The following WDR49 variants were observed in gnomAD, a reference collection of about 807,000 sequenced individuals.
The protein encoded by WDR49 is WD repeat domain 49, also known as cilia- and flagella-associated protein 337.
Under a neutral mutation model 119.5 loss-of-function variants are expected in WDR49, and 107 were observed. The ratio of observed to expected loss-of-function variants is 0.90; its 90% CI spans 0.77 to 1.05. WDR49 has a LOEUF of 1.05. Among genes scored for constraint, WDR49 ranks in the 50% least tolerant of loss-of-function variants. WDR49 has a pLI of 0.00. For synonymous variants in WDR49, 425 were observed against 418.8 expected (o/e 1.01, Z -0.18); for missense variants, 1,240 against 1,220.5 (o/e 1.02, Z -0.24).
At chr3:167,553,368 T>G (rs769419758) in intron 10 of WDR49, among the ~76,000 whole-genome samples, 19 of 152,010 alleles carry the variant, frequency 1.2e-4, no homozygotes, top group Non-Finnish European at 2.6e-4. Flanking sequence ...CCAACATAGA[T>G]AGAATAATAG....
chr3:167,551,463 A>C (rs1178087269), intron 10 of WDR49, among the ~76,000 whole-genome samples: 1 of 152,096 alleles, frequency 6.6e-6, no homozygotes, highest in African/African-American at 2.4e-5. Flanking sequence ...ATATTCAATT[A>C]ATCATTTAGT....
intron 4 of WDR49, 88 bp downstream of exon 4, chr3:167,621,379 G>GTCACACTCA: frequency 7.7e-7 from 1 of 1,299,584 alleles, no homozygotes; most frequent in Non-Finnish European, 1.0e-6. Context: ...AAATTTGGAG[G>GTCACACTCA]TCACACTCAT....
At chr3:167,528,387 C>T (rs1224429620) in intron 14 of WDR49, among the ~76,000 whole-genome samples, 1 of 151,606 alleles carries the variant, frequency 6.6e-6, no homozygotes, top group Non-Finnish European at 1.5e-5. Flanking sequence ...AGAAAAAATC[C>T]CAAACTAACT....
intron 18 of WDR49, among the ~76,000 whole-genome samples, chr3:167,497,874 T>TC (rs1454913724): frequency 1.3e-4 from 17 of 132,140 alleles, no homozygotes. Flanking sequence ...CCATATTCAT[T>TC]CTTTTTTTTT....
At chr3:167,605,013 TGTG>T (rs1715981043) in intron 5 of WDR49, among the ~76,000 whole-genome samples, 1 of 103,248 alleles carries the variant, frequency 9.7e-6, no homozygotes, top group East Asian at 2.7e-4. Flanking sequence ...TAATTTGCTT[TGTG>T]TGTGTGTGTG....
In WDR49 at chr3:167,653,274, T is replaced by G; in HGVS notation, c.152A>C (p.Gln51Pro). Residue 51 changes from glutamine (Q) to proline (P), a missense_variant, in exon 2 of 19, where the codon CAG (glutamine) becomes CCG (proline). Transcript: ENST00000682715. ...CTTCACACTTACCTCAAAGGCCTTCTGTATTTTTACAAAGTCACCCACGCT... is the reference window on the plus strand; with the variant it reads ...CTTCACACTTACCTCAAAGGCCTTCGGTATTTTTACAAAGTCACCCACGCT... ...QLSVGDFVKI[Q>P]KAFESPQPRK... is the part of the protein sequence containing the mutation. 1.3e-6 allele frequency: 2 copies of G among 1,536,210 alleles called. No individual in the cohort carries two copies. Among genetic ancestry groups the G allele is most frequent in the Non-Finnish European group, 1.7e-6 (2 of 1,146,884 alleles).
upstream of WDR49, among the ~76,000 whole-genome samples, chr3:167,657,654 C>G (rs2108352897): frequency 6.6e-6 from 1 of 152,132 alleles, no homozygotes; most frequent in East Asian, 1.9e-4. Context: ...TAATCTTTGC[C>G]TAAATTCTCC....
intron 16 of WDR49, among the ~76,000 whole-genome samples, chr3:167,515,391 T>C (rs551469057): frequency 5.3e-5 from 8 of 152,264 alleles, no homozygotes; most frequent in Non-Finnish European, 8.8e-5. Flanking sequence ...AAAAACCACA[T>C]GATTACCTCA....
intron 16 of WDR49, among the ~76,000 whole-genome samples, chr3:167,511,171 G>A (rs1344089848): frequency 1.3e-5 from 2 of 152,122 alleles, no homozygotes; most frequent in Non-Finnish European, 2.9e-5. Flanking sequence ...ACTGAAGGAT[G>A]TACATGATAA....
At position 167,626,358 on chromosome 3, in the gene WDR49, T is replaced by C. The variant is rs140762843; in HGVS notation, c.606+494A>G. Among the ~76,000 whole-genome samples, 33 of 152,168 alleles carry C rather than the reference T, an allele frequency of 2.2e-4. No individual in the cohort carries two copies. The East Asian group carries it at 6.2e-3, about 29-fold the overall frequency. ...TGCTTCATATAAATTATTACCAATA[T>C]GGATACTTCAAGCTCCAACCTTCCC... On this transcript the variant is annotated intron_variant, in intron 3 of 18. Coordinates refer to ENST00000682715, the MANE Select transcript of WDR49 (RefSeq NM_001366157.1).
At chr3:167,611,558 G>A (rs372812941) in intron 5 of WDR49, among the ~76,000 whole-genome samples, 27 of 151,974 alleles carry the variant, frequency 1.8e-4, no homozygotes, top group African/African-American at 5.1e-4. Context: ...AAAACAAGAC[G>A]CATTGAACTG....
chr3:167,591,059 T>G (rs1056158582), intron 7 of WDR49, among the ~76,000 whole-genome samples: 1 of 151,998 alleles, frequency 6.6e-6, no homozygotes, highest in African/African-American at 2.4e-5. Flanking sequence ...AAACTTCTCT[T>G]TTAGTACTCC....
At chr3:167,635,602 G>A (rs952002836) in intron 2 of WDR49, among the ~76,000 whole-genome samples, 3 of 151,618 alleles carry the variant, frequency 2.0e-5, no homozygotes, top group African/African-American at 7.3e-5. Context: ...CAAGATAAAA[G>A]TCCCAGTTTA....
In WDR49 at chr3:167,537,018, G is replaced by T. The variant is rs745770618; in HGVS notation, c.1824-18C>A. The T allele has an allele frequency of 7.1e-6, 11 of 1,557,210 alleles. No homozygotes were observed. Among genetic ancestry groups the T allele is most frequent in the Non-Finnish European group, 9.5e-6 (11 of 1,152,896 alleles). Reference sequence around the variant, plus strand: ...TAATAGCCCTAGCAAAAAGGATATAGAATTTAGCTGTGGATCTAAAATTGA... The same window carrying T: ...TAATAGCCCTAGCAAAAAGGATATATAATTTAGCTGTGGATCTAAAATTGA... On this transcript the variant is annotated intron_variant, in intron 10 of 18. Transcript: ENST00000682715.
chr3:167,651,656 T>C (rs1718389410), intron 2 of WDR49, among the ~76,000 whole-genome samples: 1 of 152,174 alleles, frequency 6.6e-6, no homozygotes, highest in African/African-American at 2.4e-5. Flanking sequence ...ACTGTCTATG[T>C]TCATACAAGC....
chr3:167,492,154 T>A (rs533398863), intron 18 of WDR49, among the ~76,000 whole-genome samples: 162 of 152,200 alleles, frequency 1.1e-3, no homozygotes, highest in Admixed American at 3.1e-3. Flanking sequence ...AGTTTTTTTT[T>A]TTTTTAAGTG....
intron 7 of WDR49, among the ~76,000 whole-genome samples, chr3:167,583,227 C>T (rs1490377176): frequency 6.6e-6 from 1 of 151,844 alleles, no homozygotes; most frequent in East Asian, 1.9e-4. Flanking sequence ...TTTTAATTTA[C>T]AATGTAAATT....
In WDR49 at chr3:167,478,800, T is replaced by C. The variant is rs2108182608; in HGVS notation, c.*78A>G. On this transcript the variant is annotated 3_prime_UTR_variant, in exon 19 of 19. Coordinates refer to ENST00000682715, the MANE Select transcript of WDR49 (RefSeq NM_001366157.1). ...CCTGAAGTTTAAATATAAAATAAAATAAAAGGCAGAATTCTTGATGCTTTT... is the reference window on the plus strand; with the variant it reads ...CCTGAAGTTTAAATATAAAATAAAACAAAAGGCAGAATTCTTGATGCTTTT... 3.9e-6 allele frequency: 4 copies of C among 1,018,696 alleles called. No homozygotes were observed. The highest frequency in any genetic ancestry group is 5.7e-6 in the Non-Finnish European group (4 of 700,148). 63.1% of individuals were successfully genotyped at this position (1,018,696 alleles called of 1,614,324 possible).
rs376689362 is a variant in WDR49 at position 167,524,793 on chromosome 3, G to GT, written c.2605-2310dup. ...TCTGTTTTGGTACCAGTACCATGCT[G>GT]TTTTGGTTACTGTAGCCTTGTAGTA... is the stretch of plus-strand genomic sequence containing the variant. On this transcript the variant is annotated intron_variant, in intron 15 of 18. Transcript: ENST00000682715. Among the ~76,000 whole-genome samples, 710 of 152,226 alleles carry GT rather than the reference G, an allele frequency of 4.7e-3. 5 individuals are homozygous for GT. Among genetic ancestry groups the GT allele is most frequent in the African/African-American group, 0.016 (671 of 41,526 alleles).
Sources: gnomAD v4.1 joint callset for allele counts (sites outside exome capture counted in the v4.1 genomes callset) on GRCh38, gnomAD v4.1.1 for gene constraint, MANE v1.5 for transcripts, NCBI Gene and HGNC (gene_info 2026-07-23, HGNC 2026-07-21) for gene names.